THAP6: variants seen among roughly 807,000 people sequenced by gnomAD.
The protein encoded by THAP6 is THAP domain-containing protein 6.
Under a neutral mutation model 20.0 loss-of-function variants are expected in THAP6, and 13 were observed. That is an observed-to-expected ratio of 0.65 (90% CI 0.42 to 1.03). The LOEUF (loss-of-function observed/expected upper bound fraction) is 1.03. Among genes scored for constraint, THAP6 ranks in the 50% least tolerant of loss-of-function variants. THAP6 has a pLI of 0.00. For missense variants in THAP6, 262 were observed against 261.6 expected (o/e 1.00, Z -0.01); for synonymous variants, 93 against 92.2 (o/e 1.01, Z -0.05).
chr4:75,513,990 G>A (rs1725249865), upstream of THAP6: 6 of 654,326 alleles, frequency 9.2e-6, no homozygotes, highest in South Asian at 1.3e-4. Flanking sequence ...GAAGGGTTTT[G>A]CTTTAAAGGT....
chr4:75,530,186 C>T (rs192086915), downstream of THAP6, among the ~76,000 whole-genome samples: 91 of 152,228 alleles, frequency 6.0e-4, no homozygotes, highest in East Asian at 0.016. Flanking sequence ...GCTTTCAGCA[C>T]AATATGGACC....
chr4:75,521,761 G>T lies in THAP6; in HGVS notation c.314G>T (p.Arg105Ile). The change falls in exon 4 of 5, where the codon AGA becomes ATA. Residue 105 changes from arginine (R) to isoleucine (I), a missense_variant. Arg to Ile is a moderately conservative substitution (Grantham distance 97). Coordinates refer to ENST00000311638, the MANE Select transcript of THAP6 (RefSeq NM_144721.6). Reference sequence around the variant, plus strand: ...GGGAAAAGAGAAAAACTTCATTGTAGAAAAAACTTCACCCTCAAAACCGTT... The same window carrying T: ...GGGAAAAGAGAAAAACTTCATTGTATAAAAAACTTCACCCTCAAAACCGTT... The part of the protein sequence containing the change: ...LQGKREKLHC[R>I]KNFTLKTVPA... 1 of 1,611,982 alleles carries T rather than the reference G, an allele frequency of 6.2e-7. No homozygotes were observed. The highest frequency in any genetic ancestry group is 8.5e-7 in the Non-Finnish European group (1 of 1,178,826).
intron 2 of THAP6, among the ~76,000 whole-genome samples, chr4:75,537,044 G>A (rs1039632221): frequency 6.6e-6 from 1 of 152,132 alleles, no homozygotes; most frequent in Non-Finnish European, 1.5e-5. Context: ...TAATTAGAAA[G>A]CTTAAAATTC....
chr4:75,542,515 CT>C, intron 3 of THAP6: 1 of 700,168 alleles, frequency 1.4e-6, no homozygotes, highest in Non-Finnish European at 2.6e-6. Context: ...AGCACTTAAA[CT>C]TTATTAACTC....
chr4:75,536,798 C>T (rs1202063792), intron 2 of THAP6, among the ~76,000 whole-genome samples: 1 of 152,130 alleles, frequency 6.6e-6, no homozygotes, highest in Non-Finnish European at 1.5e-5. Flanking sequence ...TCCCAAAGTG[C>T]CGGGATTACA....
chr4:75,519,417 C>T (rs1004567846), intron 3 of THAP6, among the ~76,000 whole-genome samples: 28 of 150,898 alleles, frequency 1.9e-4, no homozygotes, highest in Admixed American at 1.2e-3. Flanking sequence ...CATGCTGGTG[C>T]GCTGCACCCA....
chr4:75,523,293 AT>A (rs1461056206), intron 4 of THAP6, among the ~76,000 whole-genome samples: 4 of 152,190 alleles, frequency 2.6e-5, no homozygotes, highest in Admixed American at 2.0e-4. Context: ...ATTTAATCGA[AT>A]TTTTAGATTT....
At chr4:75,537,482 CTT>C (rs200916394) in intron 2 of THAP6, among the ~76,000 whole-genome samples, 3,091 of 152,208 alleles carry the variant, frequency 0.02, 100 homozygotes, top group African/African-American at 0.071. Context: ...CATTCTCTCT[CTT>C]TGCCTGCCAC....
chr4:75,524,689 C>T (rs2148817850), intron 4 of THAP6, among the ~76,000 whole-genome samples: 1 of 152,118 alleles, frequency 6.6e-6, no homozygotes, highest in South Asian at 2.1e-4. Flanking sequence ...GTCATACTCA[C>T]CTTTATTCTC....
chr4:75,516,828 A>G lies in THAP6; in HGVS notation c.137A>G (p.Asp46Gly). 6.2e-7 allele frequency: 1 copy of G among 1,614,098 alleles called. No individual in the cohort carries two copies. The highest frequency in any genetic ancestry group is 1.1e-5 in the South Asian group (1 of 91,076). ...RKWVLAMKRL[D>G]VNAAGIWEPK... ...TGGGTATTAGCAATGAAAAGACTTG[A>G]TGTGAATGCAGCCGGCATTTGGGAG... Residue 46 changes from aspartate (D) to glycine (G), a missense_variant, in exon 3 of 5, where the codon GAT becomes GGT. Asp to Gly is a moderately conservative substitution (Grantham distance 94). Coordinates refer to ENST00000311638, the MANE Select transcript of THAP6 (RefSeq NM_144721.6).
intron 3 of THAP6, among the ~76,000 whole-genome samples, chr4:75,543,513 T>C (rs1198079099): frequency 1.3e-5 from 2 of 152,220 alleles, no homozygotes; most frequent in Non-Finnish European, 2.9e-5. Context: ...CAGTCATTCA[T>C]ATGACAGTCC....
downstream of THAP6, among the ~76,000 whole-genome samples, chr4:75,533,775 A>T (rs540026296): frequency 6.6e-6 from 1 of 151,766 alleles, no homozygotes; most frequent in South Asian, 2.1e-4. Flanking sequence ...ATTTTTTTTT[A>T]TTATACTTTA....
intron 2 of THAP6, chr4:75,540,080 C>A: frequency 8.7e-7 from 1 of 1,147,278 alleles, no homozygotes; most frequent in Non-Finnish European, 1.2e-6. Context: ...TCCTCTCACT[C>A]CAATACTGAC....
intron 2 of THAP6, among the ~76,000 whole-genome samples, chr4:75,537,822 G>C (rs1315789204): frequency 6.6e-6 from 1 of 152,156 alleles, no homozygotes; most frequent in Admixed American, 6.5e-5. Context: ...GTAATGAATA[G>C]CCATGAGCTA....
chr4:75,531,851 A>C (rs1201835755), downstream of THAP6, among the ~76,000 whole-genome samples: 1 of 151,852 alleles, frequency 6.6e-6, no homozygotes, highest in Non-Finnish European at 1.5e-5. Flanking sequence ...TGGCATAGGA[A>C]AGACCCGCCC....
rs1023254778 is a variant in THAP6 at position 75,543,350 on chromosome 4, G to C, written c.243+864G>C. 2.0e-5 allele frequency among the ~76,000 whole-genome samples: 3 copies of C among 152,334 alleles called. No individual in the cohort carries two copies. In the East Asian group the frequency reaches 5.8e-4, roughly 29 times the overall value. On this transcript the variant is annotated intron_variant, in intron 3 of 4. Coordinates refer to the THAP6 transcript ENST00000502620. Reference sequence around the variant, plus strand: ...TTTAGCAAACCACTTGTGGCATACTGTGTATGGCTTCAGGTACAGCTGGAT... The same window carrying C: ...TTTAGCAAACCACTTGTGGCATACTCTGTATGGCTTCAGGTACAGCTGGAT...
In THAP6 at chr4:75,526,972, A is replaced by G. The variant is rs1726411750; in HGVS notation, c.427A>G (p.Ser143Gly). Reference sequence around the variant, plus strand: ...TTTATGTTTTTAGGAACATAGCTACAGTGTAATGGACAGTCCAAAGAAACT... The same window carrying G: ...TTTATGTTTTTAGGAACATAGCTACGGTGTAATGGACAGTCCAAAGAAACT... ...QSQFIFEHSY[S>G]VMDSPKKLKH... Residue 143 changes from serine (S) to glycine (G), a missense_variant, in exon 5 of 5, where the codon AGT becomes GGT. Transcript: ENST00000311638. 1.2e-6 allele frequency: 2 copies of G among 1,613,442 alleles called. No individual in the cohort carries two copies. Among genetic ancestry groups the G allele is most frequent in the Admixed American group, 3.3e-5 (2 of 59,910 alleles).
intron 3 of THAP6, among the ~76,000 whole-genome samples, chr4:75,546,824 T>G (rs1399430632): frequency 6.6e-6 from 1 of 152,142 alleles, no homozygotes; most frequent in East Asian, 1.9e-4. Flanking sequence ...CCACCCACAT[T>G]ACAGAGGGCC....
intron 1 of THAP6, 67 bp downstream of exon 1, chr4:75,514,587 G>A (rs1433594447): frequency 3.5e-6 from 1 of 287,864 alleles, no homozygotes; most frequent in Non-Finnish European, 6.5e-6. Context: ...GCGTAGTTCG[G>A]CGCGAGGTTG....
Sources: allele counts gnomAD v4.1 joint callset (sites outside exome capture counted in the v4.1 genomes callset), GRCh38; gene constraint gnomAD v4.1.1; transcripts MANE v1.5; gene names NCBI Gene and HGNC (gene_info 2026-07-23, HGNC 2026-07-21).